The following INTS6L variants were observed in gnomAD, a reference collection of about 807,000 sequenced individuals.
The protein encoded by INTS6L is integrator complex subunit 6 like.
INTS6L carries 18 observed loss-of-function variants against 64.7 expected under a neutral mutation model. That is an observed-to-expected ratio of 0.28 (90% confidence interval 0.19 to 0.41). The LOEUF is 0.41. Ranked by LOEUF, INTS6L falls within the 10% of genes least tolerant of loss-of-function variation. INTS6L has a pLI of 1.00. For missense variants in INTS6L, 533 were observed against 661.0 expected (o/e 0.81, Z 2.12); for synonymous variants, 227 against 235.9 (o/e 0.96, Z 0.34).
Position 135,549,814 on chromosome X carries a change from C to G in INTS6L, c.906+9C>G, listed in dbSNP as rs1287264963. 2 of 1,205,525 alleles carry G rather than the reference C, an allele frequency of 1.7e-6. No homozygotes were observed. The highest frequency in any genetic ancestry group is 2.2e-6 in the Non-Finnish European group (2 of 892,757). On this transcript the variant is annotated intron_variant, in intron 7 of 17. Coordinates refer to ENST00000639893, the MANE Select transcript of INTS6L (RefSeq NM_001351601.3). ...AGAATTTACCTTCACTAGTAAGTGT[C>G]ATAAAATAAAAAGGTAAACATCATT...
chrX:135,522,275 C>T (rs1221345174), intron 2 of INTS6L, among the ~76,000 whole-genome samples: 1 of 111,588 alleles, frequency 9.0e-6, no homozygotes, highest in Admixed American at 9.4e-5. Flanking sequence ...GTGCTAGCCA[C>T]GTAGGAATTA....
At chrX:135,573,740 C>T (rs1198276885) in intron 12 of INTS6L, among the ~76,000 whole-genome samples, 199 bp from the exon 13 acceptor site, 1 of 112,312 alleles carries the variant, frequency 8.9e-6, no homozygotes, top group East Asian at 2.8e-4. Flanking sequence ...AAGGGATAGT[C>T]CCAGTGGCTT....
intron 9 of INTS6L, among the ~76,000 whole-genome samples, chrX:135,560,378 A>G (rs2086756003): frequency 8.9e-6 from 1 of 111,941 alleles, no homozygotes; most frequent in African/African-American, 3.2e-5. Flanking sequence ...TACCTTTTCT[A>G]TTCTTATCTT....
rs782181841 is a variant in INTS6L at position 135,534,016 on chromosome X, C to T, written c.190-11407C>T. ...TTGACTTTTGGAGGGAGGAGAAAAG[C>T]TTCTAAAATTATTGGTTTCTACGTG... is the stretch of plus-strand genomic sequence containing the variant. On this transcript the variant is annotated intron_variant, in intron 2 of 17. Coordinates refer to ENST00000639893, the MANE Select transcript of INTS6L (RefSeq NM_001351601.3). Among the ~76,000 whole-genome samples, 4 of 110,733 alleles carry T rather than the reference C, an allele frequency of 3.6e-5. No individual in the cohort carries two copies. The East Asian group carries it at 1.1e-3, about 31-fold the overall frequency.
chrX:135,572,891 A>C lies in INTS6L; in HGVS notation c.1475A>C (p.Asn492Thr). The change falls in exon 12 of 18, where the codon AAT becomes ACT. Residue 492 changes from asparagine (N) to threonine (T), a missense_variant. Coordinates refer to ENST00000639893, the MANE Select transcript of INTS6L (RefSeq NM_001351601.3). ...PPQEIGIKVK[N>T]HSGGGMSLTH... is the part of the protein sequence containing the mutation. ...CAGGAAATTGGAATTAAAGTGAAAA[A>C]TCATTCTGGAGGTGGCATGTCCTTG... 1 of 1,211,673 alleles carries C rather than the reference A, an allele frequency of 8.3e-7. No homozygotes were observed. The highest frequency in any genetic ancestry group is 1.8e-5 in the South Asian group (1 of 56,974).
intron 11 of INTS6L, 94 bp downstream of exon 11, chrX:135,570,640 G>A: frequency 2.1e-6 from 2 of 968,423 alleles, no homozygotes; most frequent in South Asian, 2.4e-5. Context: ...CAAATTAAAT[G>A]TGTATATATC....
rs782276004 is a variant in INTS6L, at chrX:135,577,392, A to G, written c.2084A>G (p.Tyr695Cys). Reference sequence around the variant, plus strand: ...CCCTCAGCCTCGTGGTTCCCATCTTATCCAAACCTCATAAAACCCACCCTT... The same window carrying G: ...CCCTCAGCCTCGTGGTTCCCATCTTGTCCAAACCTCATAAAACCCACCCTT... The part of the protein sequence containing the change: ...GPPSASWFPS[Y>C]PNLIKPTLVH... Residue 695 changes from tyrosine to cysteine, a missense_variant, in exon 15 of 18, where the codon TAT (tyrosine) becomes TGT (cysteine). By Grantham distance (194) the Tyr-to-Cys change is radical. Coordinates refer to ENST00000639893, the MANE Select transcript of INTS6L (RefSeq NM_001351601.3). 6 of 1,211,928 alleles carry G rather than the reference A, an allele frequency of 5.0e-6. No homozygotes were observed. In the South Asian group the frequency reaches 7.0e-5, roughly 14 times the overall value.
At chrX:135,522,418 A>G (rs781840898) in intron 2 of INTS6L, among the ~76,000 whole-genome samples, 5 of 112,249 alleles carry the variant, frequency 4.5e-5, no homozygotes, top group Admixed American at 2.8e-4. Context: ...TTATGTTCCT[A>G]TGGTGAGGAG....
At chrX:135,547,970 C>T (rs2086399167) in intron 6 of INTS6L, among the ~76,000 whole-genome samples, 1 of 110,360 alleles carries the variant, frequency 9.1e-6, no homozygotes, top group Non-Finnish European at 1.9e-5. Flanking sequence ...CAACGCATTG[C>T]AAGACTTCCA....
intron 2 of INTS6L, among the ~76,000 whole-genome samples, chrX:135,528,720 T>C (rs1178380725): frequency 3.6e-5 from 4 of 111,780 alleles, no homozygotes; most frequent in Non-Finnish European, 5.6e-5. Flanking sequence ...GAGTTGAAAA[T>C]TTGAAATTCC....
intron 9 of INTS6L, among the ~76,000 whole-genome samples, chrX:135,569,106 T>C (rs187592580): frequency 8.9e-6 from 1 of 112,387 alleles, no homozygotes; most frequent in African/African-American, 3.2e-5. Context: ...TTGTATTTCA[T>C]GTAGCATTGC....
intron 2 of INTS6L, among the ~76,000 whole-genome samples, chrX:135,534,647 A>T (rs978423043): frequency 1.0e-4 from 11 of 109,088 alleles, no homozygotes; most frequent in African/African-American, 3.7e-4. Flanking sequence ...AGTAACTTTT[A>T]TAAAACTGAA....
At chrX:135,523,402 C>CAAAAAAAAAAA (rs782434658) in intron 2 of INTS6L, among the ~76,000 whole-genome samples, 1 of 36,975 alleles carries the variant, frequency 2.7e-5, no homozygotes, top group Non-Finnish European at 4.3e-5. Context: ...ACTCTGTCGT[C>CAAAAAAAAAAA]AAAAAAAAAA....
intron 2 of INTS6L, among the ~76,000 whole-genome samples, chrX:135,523,402 CAAAAAA>C (rs782434658): frequency 1.1e-4 from 4 of 36,970 alleles, no homozygotes; most frequent in East Asian, 1.1e-3. Context: ...ACTCTGTCGT[CAAAAAA>C]AAAAAAAAAA....
At chrX:135,557,266 T>G (rs782816449) in intron 9 of INTS6L, among the ~76,000 whole-genome samples, 17 of 111,941 alleles carry the variant, frequency 1.5e-4, no homozygotes, top group African/African-American at 5.5e-4. Flanking sequence ...GCAGATTTAT[T>G]TATCCCTTTT....
rs1293328959 is a variant in INTS6L at position 135,534,682 on chromosome X, CTTTTTTTT to C, written c.190-10729_190-10722del. ...ATCCAAGAGAACTGGTTTTTCTTTTCTTTTTTTTTTTTTTTTTTTAAATAGAGTCTTGC... is the reference window on the plus strand; with the variant it reads ...ATCCAAGAGAACTGGTTTTTCTTTTCTTTTTTTTTTTAAATAGAGTCTTGC... On this transcript the variant is annotated intron_variant, in intron 2 of 17. Transcript: ENST00000639893. Among the ~76,000 whole-genome samples the C allele has an allele frequency of 5.4e-5, 5 of 92,089 alleles. No individual in the cohort carries two copies. The East Asian group carries it at 1.0e-3, about 18-fold the overall frequency. 80.0% of individuals were successfully genotyped at this position (92,089 alleles called of 115,157 possible). A position where few individuals can be genotyped will look rare whatever the true frequency, so the allele number is the denominator to read the frequency against.
chrX:135,571,106 T>G (rs1233096603), intron 11 of INTS6L: 1 of 111,412 alleles, frequency 9.0e-6, no homozygotes, highest in Non-Finnish European at 1.9e-5. Context: ...GTTTCCTCTC[T>G]TCTCACCCTC....
intron 7 of INTS6L, 51 bp from the exon 8 acceptor site, chrX:135,551,943 T>A: frequency 9.8e-7 from 1 of 1,017,414 alleles, no homozygotes; most frequent in Non-Finnish European, 1.3e-6. Flanking sequence ...AATATAAGCT[T>A]GCTTTGAGAC....
At chrX:135,566,330 G>A (rs1199173845) in intron 9 of INTS6L, among the ~76,000 whole-genome samples, 2 of 112,139 alleles carry the variant, frequency 1.8e-5, no homozygotes, top group African/African-American at 6.5e-5. Flanking sequence ...TATTATTACT[G>A]TCATTATTAA....
Sources: gnomAD v4.1 joint callset for allele counts (sites outside exome capture counted in the v4.1 genomes callset) on GRCh38, gnomAD v4.1.1 for gene constraint, MANE v1.5 for transcripts, NCBI Gene and HGNC (gene_info 2026-07-23, HGNC 2026-07-21) for gene names.